DLGAP4: variants seen among roughly 807,000 people sequenced by gnomAD.
DLGAP4 encodes the protein disks large-associated protein 4.
A neutral mutation model predicts 86.9 loss-of-function variants in DLGAP4; 18 were observed. That is an observed-to-expected ratio of 0.21 (90% confidence interval 0.14 to 0.31). The LOEUF (loss-of-function observed/expected upper bound fraction) is 0.31, where lower values mean the gene tolerates loss of function less well. Among genes scored for constraint, DLGAP4 ranks in the 10% least tolerant of loss-of-function variants. DLGAP4 has a pLI of 1.00. For synonymous variants in DLGAP4, 548 were observed against 574.3 expected (o/e 0.95, Z 0.65); for missense variants, 1,085 against 1,362.6 (o/e 0.80, Z 3.21).
At chr20:36,473,609 G>T (rs2034776039) in intron 7 of DLGAP4, among the ~76,000 whole-genome samples, 1 of 152,118 alleles carries the variant, frequency 6.6e-6, no homozygotes. Flanking sequence ...CAATTTTGTT[G>T]CTAGACCAAA....
intron 1 of DLGAP4, among the ~76,000 whole-genome samples, chr20:36,326,329 A>C (rs1421090688): frequency 6.6e-6 from 1 of 152,154 alleles, no homozygotes; most frequent in Non-Finnish European, 1.5e-5. Flanking sequence ...TTTAGAATTA[A>C]TCACATTTTT....
At chr20:36,491,476 G>A (rs1201136237) in intron 7 of DLGAP4, among the ~76,000 whole-genome samples, 1 of 152,118 alleles carries the variant, frequency 6.6e-6, no homozygotes, top group African/African-American at 2.4e-5. Context: ...CCATGGGGAT[G>A]GGTGGTTTCA....
chr20:36,351,377 C>T (rs558263528), intron 1 of DLGAP4, among the ~76,000 whole-genome samples: 115 of 152,180 alleles, frequency 7.6e-4, no homozygotes, highest in African/African-American at 2.5e-3. Context: ...GTTAGATCAG[C>T]GGCGGCATTC....
At chr20:36,455,774 C>T (rs1171864554) in intron 7 of DLGAP4, among the ~76,000 whole-genome samples, 1 of 152,054 alleles carries the variant, frequency 6.6e-6, no homozygotes, top group African/African-American at 2.4e-5. Context: ...CTACCCCTAA[C>T]CTCCCCCCGG....
chr20:36,437,992 C>G (rs915197481), intron 4 of DLGAP4, among the ~76,000 whole-genome samples: 1 of 152,158 alleles, frequency 6.6e-6, no homozygotes, highest in African/African-American at 2.4e-5. Flanking sequence ...ACTTGTCGAC[C>G]TCCTGTGCTC....
intron 2 of DLGAP4, among the ~76,000 whole-genome samples, chr20:36,430,648 CAAA>C (rs5841233): frequency 1.0e-3 from 59 of 58,956 alleles, no homozygotes; most frequent in African/African-American, 3.0e-3. Flanking sequence ...GACCTTGTTG[CAAA>C]AAAAAAAAAA....
At chr20:36,315,450 TG>T (rs1445291583) in intron 1 of DLGAP4, among the ~76,000 whole-genome samples, 151,876 of 151,876 alleles carry the variant, frequency 1, 75,938 homozygotes, top group Non-Finnish European at 1. Flanking sequence ...GTGGGCTTCA[TG>T]GGACCACGTG....
intron 6 of DLGAP4, among the ~76,000 whole-genome samples, chr20:36,443,925 A>G (rs112457457): frequency 6.6e-6 from 1 of 152,174 alleles, no homozygotes; most frequent in Non-Finnish European, 1.5e-5. Context: ...GCCCCATTTT[A>G]TAGGTGGGGA....
chr20:36,503,231 T>C (rs947669228), intron 10 of DLGAP4, among the ~76,000 whole-genome samples: 7 of 152,146 alleles, frequency 4.6e-5, no homozygotes, highest in Admixed American at 1.3e-4. Flanking sequence ...TACTGAGATA[T>C]AATTCACATA....
chr20:36,426,658 A>G (rs2032982084), intron 2 of DLGAP4, among the ~76,000 whole-genome samples: 1 of 152,244 alleles, frequency 6.6e-6, no homozygotes, highest in Non-Finnish European at 1.5e-5. Context: ...GTGGTTACAC[A>G]ACATTGTGAG....
At chr20:36,334,833 G>A (rs577716259) in intron 1 of DLGAP4, among the ~76,000 whole-genome samples, 1 of 152,208 alleles carries the variant, frequency 6.6e-6, no homozygotes, top group East Asian at 1.9e-4. Context: ...CCGGCACAGG[G>A]TGGTCCCTTT....
In DLGAP4 at chr20:36,461,380, T is replaced by A. The variant is rs1485219416; in HGVS notation, c.1648+14443T>A. The A allele has an allele frequency of 4.2e-4, 362 of 869,454 alleles. 1 individual carries two copies. The highest frequency in any genetic ancestry group is 5.8e-4 in the Middle Eastern group (1 of 1,730). 53.9% of individuals were successfully genotyped at this position (869,454 alleles called of 1,614,324 possible). On this transcript the variant is annotated intron_variant, in intron 7 of 12. Transcript: ENST00000339266. ...CGCGCGCCCCTGCCCGGCCCGGGAG[T>A]CCCTGACGACGCGCGCGCGGCTGAC...
intron 10 of DLGAP4, among the ~76,000 whole-genome samples, chr20:36,507,208 AGTT>A (rs2036424796): frequency 6.6e-6 from 1 of 151,304 alleles, no homozygotes; most frequent in African/African-American, 2.4e-5. Context: ...TGGGCACAAA[AGTT>A]GTTTTTTTTT....
At chr20:36,457,380 G>C (rs991017118) in intron 7 of DLGAP4, among the ~76,000 whole-genome samples, 13 of 150,698 alleles carry the variant, frequency 8.6e-5, no homozygotes, top group African/African-American at 2.7e-4. Context: ...CACCACGCCC[G>C]GCTAATTTTT....
chr20:36,473,813 A>C (rs1340537177), intron 7 of DLGAP4, among the ~76,000 whole-genome samples: 2 of 152,108 alleles, frequency 1.3e-5, no homozygotes, highest in Non-Finnish European at 2.9e-5. Context: ...CTAAGTACAG[A>C]GCTGGAGTCC....
At chr20:36,357,966 G>A (rs565934312) in intron 1 of DLGAP4, among the ~76,000 whole-genome samples, 16 of 152,278 alleles carry the variant, frequency 1.1e-4, no homozygotes, top group African/African-American at 3.8e-4. Flanking sequence ...AAATAAATTT[G>A]GGTACCAGCT....
rs578246781 is a variant in DLGAP4, at chr20:36,342,651, G to T, written c.-303-24394G>T. ...ATGGGTCAATGCAGGGCAGGGCTGG[G>T]ATGGAGGTAACCTCTGCCAACTGGA... On this transcript the variant is annotated intron_variant, in intron 1 of 12. Transcript: ENST00000339266. 8.0e-4 allele frequency among the ~76,000 whole-genome samples: 122 copies of T among 152,350 alleles called. 2 individuals are homozygous for T. Among genetic ancestry groups the T allele is most frequent in the African/African-American group, 2.7e-3 (114 of 41,586 alleles).
intron 6 of DLGAP4, 106 bp downstream of exon 6, chr20:36,442,883 A>G: frequency 2.7e-6 from 4 of 1,476,634 alleles, no homozygotes; most frequent in Non-Finnish European, 2.8e-6. Context: ...TGGTACAAGC[A>G]GAGCCATCAC....
rs1051736724 is a variant in DLGAP4, at chr20:36,423,585, G to A, written c.-72-8061G>A. Reference sequence around the variant, plus strand: ...GCCTGTCCCCAAGAAGCACAGTATAGTGAGGTGAGGAGGGGAACAGAGTGT... The same window carrying A: ...GCCTGTCCCCAAGAAGCACAGTATAATGAGGTGAGGAGGGGAACAGAGTGT... On this transcript the variant is annotated intron_variant, in intron 2 of 12. Transcript: ENST00000339266. 1.3e-5 allele frequency among the ~76,000 whole-genome samples: 2 copies of A among 151,726 alleles called. 1 individual carries two copies. The highest frequency in any genetic ancestry group is 1.3e-4 in the Admixed American group (2 of 15,184).
Sources: allele counts gnomAD v4.1 joint callset (sites outside exome capture counted in the v4.1 genomes callset), GRCh38; gene constraint gnomAD v4.1.1; transcripts MANE v1.5; gene names NCBI Gene and HGNC (gene_info 2026-07-23, HGNC 2026-07-21).